MTMR11: variants seen among roughly 807,000 people sequenced by gnomAD.
MTMR11 encodes myotubularin related protein 11, also known as myotubularin-related protein 11.
A neutral mutation model predicts 100.0 loss-of-function variants in MTMR11; 89 were observed. The ratio of observed to expected loss-of-function variants is 0.89; its 90% CI spans 0.75 to 1.06. The LOEUF is 1.06. Ranked by LOEUF, MTMR11 falls within the 50% of genes least tolerant of loss-of-function variation. MTMR11 has a pLI of 0.00. For missense variants in MTMR11, 809 were observed against 873.7 expected (o/e 0.93, Z 0.93); for synonymous variants, 336 against 326.3 (o/e 1.03, Z -0.32).
chr1:149,936,308 G>A (rs1266071524), intron 1 of MTMR11, 79 bp from the exon 2 acceptor site: 1 of 1,588,010 alleles, frequency 6.3e-7, no homozygotes, highest in East Asian at 2.2e-5. Flanking sequence ...GCCTGTAGAG[G>A]CCTACACTCA....
chr1:149,928,969 T>A lies in MTMR11; in HGVS notation c.*160A>T. The stretch of plus-strand genomic sequence containing the variant: ...TCCTTCAAATGACAAGAAGCAAAAA[T>A]ATTTGTAGAAACTAAGCAAGACAAG... On this transcript the variant is annotated 3_prime_UTR_variant, in exon 17 of 17. Transcript: ENST00000439741. 6.2e-7 allele frequency: 1 copy of A among 1,612,918 alleles called. No homozygotes were observed. Among genetic ancestry groups the A allele is most frequent in the Non-Finnish European group, 8.5e-7 (1 of 1,179,460 alleles).
At position 149,932,181 on chromosome 1, in the gene MTMR11, G is replaced by C; in HGVS notation, c.1052+83C>G. On this transcript the variant is annotated intron_variant, in intron 11 of 16. Transcript: ENST00000439741. ...TGGGAAACCGAGGAGAAGAACTAAA[G>C]AAAGGCCATTTAGGACCCCAAGTTA... is the stretch of plus-strand genomic sequence containing the variant. 11 of 1,479,894 alleles carry C rather than the reference G, an allele frequency of 7.4e-6. No homozygotes were observed. The South Asian group carries it at 1.3e-4, about 17-fold the overall frequency. 91.7% of individuals were successfully genotyped at this position (1,479,894 alleles called of 1,614,324 possible). A position where few individuals can be genotyped will look rare whatever the true frequency, so the allele number is the denominator to read the frequency against.
chr1:149,929,458 T>G (rs1410741147), intron 16 of MTMR11, 141 bp from the exon 17 acceptor site: 2 of 1,192,302 alleles, frequency 1.7e-6, no homozygotes, highest in Non-Finnish European at 2.4e-6. Flanking sequence ...CACAAGCACT[T>G]TCCCGCACCT....
chr1:149,934,564 C>T, intron 5 of MTMR11, 38 bp from the exon 6 acceptor site: 1 of 1,595,618 alleles, frequency 6.3e-7, no homozygotes, highest in Non-Finnish European at 8.6e-7. Flanking sequence ...TTGGCTTAGG[C>T]TGAGTAAGTG....
chr1:149,935,439 G>A lies in MTMR11; in HGVS notation c.265-80C>T, dbSNP rs79378663. On this transcript the variant is annotated intron_variant, in intron 3 of 16. Transcript: ENST00000439741. ...CTGGCAGCCCCAACCCCTTCTAGGG[G>A]GCAACAACCCTAGAGAGAGTTCCCA... 4.4e-6 allele frequency: 7 copies of A among 1,581,196 alleles called. No homozygotes were observed. In the African/African-American group the frequency reaches 6.7e-5, roughly 15 times the overall value.
chr1:149,933,836 C>T lies in MTMR11; in HGVS notation c.771+19G>A, dbSNP rs370319682. On this transcript the variant is annotated intron_variant, in intron 8 of 16. Coordinates refer to ENST00000439741, the MANE Select transcript of MTMR11 (RefSeq NM_001145862.2). ...ATGACCCTCTAATCCACAGCCATTACCCTAACCATCACACTGACCGGTCCA... is the reference window on the plus strand; with the variant it reads ...ATGACCCTCTAATCCACAGCCATTATCCTAACCATCACACTGACCGGTCCA... 6.9e-5 allele frequency: 112 copies of T among 1,612,648 alleles called. No individual in the cohort carries two copies. Among genetic ancestry groups the T allele is most frequent in the Non-Finnish European group, 9.2e-5 (109 of 1,178,772 alleles).
intron 14 of MTMR11, 106 bp downstream of exon 14, chr1:149,930,686 C>G: frequency 2.9e-6 from 4 of 1,366,080 alleles, no homozygotes; most frequent in Non-Finnish European, 4.0e-6. Flanking sequence ...AAATCTCCCC[C>G]TCCCCACTCA....
chr1:149,935,740 TTC>T (rs1553769046), intron 2 of MTMR11, 35 bp from the exon 3 acceptor site: 12 of 1,545,354 alleles, frequency 7.8e-6, no homozygotes, highest in Non-Finnish European at 9.6e-6. Flanking sequence ...GTTATGACTG[TTC>T]CCAGTGTTGC....
chr1:149,931,956 C>A lies in MTMR11; in HGVS notation c.1111G>T (p.Val371Leu). Residue 371 changes from valine (V) to leucine (L), a missense_variant, in exon 12 of 17, where the codon GTA becomes TTA. By Grantham distance (32) the Val-to-Leu change is conservative (BLOSUM62 1). Transcript: ENST00000439741. The part of the protein sequence containing the change: ...SVLVTSRVRS[V>L]ILQERGDRDL... ...CCAAGGAACTCACCTTGAAGTATTACAGAACGAACCCTGGATGTCACTAAT... is the reference window on the plus strand; with the variant it reads ...CCAAGGAACTCACCTTGAAGTATTAAAGAACGAACCCTGGATGTCACTAAT... 6.2e-7 allele frequency: 1 copy of A among 1,613,520 alleles called. No individual in the cohort carries two copies. The highest frequency in any genetic ancestry group is 2.2e-5 in the East Asian group (1 of 44,872).
rs1166886445 is a variant in MTMR11, at chr1:149,935,000, G to C, written c.454C>G (p.Pro152Ala). The C allele has an allele frequency of 1.9e-6, 3 of 1,613,744 alleles. No individual in the cohort carries two copies. Among genetic ancestry groups the C allele is most frequent in the Non-Finnish European group, 2.5e-6 (3 of 1,180,016 alleles). ...RVGFEAGGLE[P>A]QAFQVTMAIV... ...GGGCCTCTTACCTGAAAAGCCTGAGGCTCTAGGCCTCCAGCCTCAAAACCA... is the reference window on the plus strand; with the variant it reads ...GGGCCTCTTACCTGAAAAGCCTGAGCCTCTAGGCCTCCAGCCTCAAAACCA... The change falls in exon 5 of 17, where the codon CCT (proline) becomes GCT (alanine). Residue 152 changes from proline (P) to alanine (A), a missense_variant. By Grantham distance (27) the Pro-to-Ala change is conservative. Coordinates refer to ENST00000439741, the MANE Select transcript of MTMR11 (RefSeq NM_001145862.2).
chr1:149,936,844 G>A lies in MTMR11; in HGVS notation c.-197C>T. The stretch of plus-strand genomic sequence containing the variant: ...TCCTTGGAAAGGTGTGTCCAGCCCA[G>A]CCTGAGAAGTCTCCTCGGAAACTTC... On this transcript the variant is annotated 5_prime_UTR_variant, in exon 1 of 17. Coordinates refer to ENST00000439741, the MANE Select transcript of MTMR11 (RefSeq NM_001145862.2). The A allele has an allele frequency of 1.7e-6, 1 of 581,586 alleles. No homozygotes were observed. The highest frequency in any genetic ancestry group is 3.0e-6 in the Non-Finnish European group (1 of 332,080). The allele number at this position is 581,586 out of a possible 1,614,324, so 36.0% of individuals were successfully genotyped here.
At position 149,930,528 on chromosome 1, in the gene MTMR11, A is replaced by G. The variant is rs1225280045; in HGVS notation, c.1484T>C (p.Val495Ala). ...QSGQLNSYTQ[V>A]YTPGYSQPPA... ...AGGCTGGGAGTATCCTGGGGTGTAG[A>G]CTTGTGTATAGGAGTTTAACTGGAC... The change falls in exon 15 of 17, where the codon GTC becomes GCC. Residue 495 changes from valine to alanine, a missense_variant. Val to Ala is a moderately conservative substitution (Grantham distance 64). Transcript: ENST00000439741. 5 of 1,613,406 alleles carry G rather than the reference A, an allele frequency of 3.1e-6. No homozygotes were observed. Among genetic ancestry groups the G allele is most frequent in the Non-Finnish European group, 4.2e-6 (5 of 1,179,698 alleles).
Position 149,936,701 on chromosome 1 carries a change from G to T in MTMR11, c.-54C>A. On this transcript the variant is annotated 5_prime_UTR_variant, in exon 1 of 17. Coordinates refer to ENST00000439741, the MANE Select transcript of MTMR11 (RefSeq NM_001145862.2). The stretch of plus-strand genomic sequence containing the variant: ...GTTAAGGGTGGGAAACCTCAAGGAT[G>T]CTCACCCACCTCGGGGAGAGGCTGA... 2.5e-6 allele frequency: 3 copies of T among 1,198,084 alleles called. No individual in the cohort carries two copies. The highest frequency in any genetic ancestry group is 1.3e-5 in the South Asian group (1 of 77,116). 74.2% of individuals were successfully genotyped at this position (1,198,084 alleles called of 1,614,324 possible). A position where few individuals can be genotyped will look rare whatever the true frequency, so the allele number is the denominator to read the frequency against.
At position 149,936,168 on chromosome 1, in the gene MTMR11, GAGGCC is replaced by G. The variant is rs2092720014; in HGVS notation, c.123_127del (p.Ala42GlnfsTer33). On this transcript the variant is annotated frameshift_variant, in exon 2 of 17. Transcript: ENST00000439741. LOFTEE classifies it high-confidence loss of function. ...GGCATTATTACCTGGGAGGCATCTG[GAGGCC>G]AGGCAACTGCTAGGCTGACGACTCC... 6.2e-7 allele frequency: 1 copy of G among 1,613,982 alleles called. No homozygotes were observed. Among genetic ancestry groups the G allele is most frequent in the Non-Finnish European group, 8.5e-7 (1 of 1,180,000 alleles).
Position 149,930,881 on chromosome 1 carries a change from G to T in MTMR11, c.1375C>A (p.Leu459Ile). ...PADFEFSEFF[L>I]LALHDSVRVP... ...CTGACACTGTCATGAAGAGCAAGAA[G>T]GAAAAACTCAGAGAATTCAAAATCA... Residue 459 changes from leucine (L) to isoleucine (I), a missense_variant, in exon 14 of 17, where the codon CTT becomes ATT. Leu to Ile is a conservative substitution (Grantham distance 5). Coordinates refer to ENST00000439741, the MANE Select transcript of MTMR11 (RefSeq NM_001145862.2). 6.2e-7 allele frequency: 1 copy of T among 1,613,292 alleles called. No individual in the cohort carries two copies. The highest frequency in any genetic ancestry group is 8.5e-7 in the Non-Finnish European group (1 of 1,179,702).
At position 149,928,827 on chromosome 1, in the gene MTMR11, T is replaced by C; in HGVS notation, c.*302A>G. ...AGGTGAGAATGCGATTTCTAGGCCATCTTGTTGGGACTGATGAACAGCATC... is the reference window on the plus strand; with the variant it reads ...AGGTGAGAATGCGATTTCTAGGCCACCTTGTTGGGACTGATGAACAGCATC... On this transcript the variant is annotated 3_prime_UTR_variant, in exon 17 of 17. Coordinates refer to ENST00000439741, the MANE Select transcript of MTMR11 (RefSeq NM_001145862.2). The C allele has an allele frequency of 6.3e-7, 1 of 1,580,504 alleles. No homozygotes were observed.
intron 14 of MTMR11, 91 bp downstream of exon 14, chr1:149,930,701 C>A: frequency 7.1e-7 from 1 of 1,410,388 alleles, no homozygotes; most frequent in East Asian, 2.3e-5. Flanking sequence ...CACTCACAGA[C>A]CTCACTTCTC....
At chr1:149,935,961 G>A (rs2092716141) in intron 2 of MTMR11, among the ~76,000 whole-genome samples, 193 bp downstream of exon 2, 1 of 152,214 alleles carries the variant, frequency 6.6e-6, no homozygotes, top group Non-Finnish European at 1.5e-5. Flanking sequence ...GGGTAACAGG[G>A]TCAAGGAAAC....
Position 149,936,709 on chromosome 1 carries a change from A to C in MTMR11, c.-62T>G, listed in dbSNP as rs1553769367. 2 of 1,121,330 alleles carry C rather than the reference A, an allele frequency of 1.8e-6. No individual in the cohort carries two copies. Among genetic ancestry groups the C allele is most frequent in the African/African-American group, 3.1e-5 (2 of 65,012 alleles). The allele number at this position is 1,121,330 out of a possible 1,614,324, so 69.5% of individuals were successfully genotyped here. ...TGGGAAACCTCAAGGATGCTCACCC[A>C]CCTCGGGGAGAGGCTGAGTCTTGTT... On this transcript the variant is annotated 5_prime_UTR_variant, in exon 1 of 17. Coordinates refer to ENST00000439741, the MANE Select transcript of MTMR11 (RefSeq NM_001145862.2).
Sources: gnomAD v4.1 joint callset for allele counts (sites outside exome capture counted in the v4.1 genomes callset) on GRCh38, gnomAD v4.1.1 for gene constraint, MANE v1.5 for transcripts, NCBI Gene and HGNC (gene_info 2026-07-23, HGNC 2026-07-21) for gene names.